The following PPOX variants were observed in gnomAD, a reference collection of about 807,000 sequenced individuals.
The protein encoded by PPOX is protoporphyrinogen oxidase, also known as variegate porphyria.
A neutral mutation model predicts 54.1 loss-of-function variants in PPOX; 23 were observed. That is an observed-to-expected ratio of 0.43 (90% confidence interval 0.31 to 0.60). PPOX has a LOEUF of 0.60. PPOX is among the 20% of genes least tolerant of loss of function. The pLI is 0.13. For synonymous variants in PPOX, 224 were observed against 236.1 expected, an observed-to-expected ratio of 0.95 and a Z score of 0.47; for missense variants, 512 against 601.1, an observed-to-expected ratio of 0.85 and a Z score of 1.55.
At chr1:161,171,574 C>T (rs1661442612), downstream of PPOX, 3 of 617,144 alleles carry the variant, frequency 4.9e-6, no homozygotes, top group East Asian at 2.8e-5. Context: ...GGAATCGTCA[C>T]ATAAAATCAT....
chr1:161,176,785 A>AC, intron 4 of PPOX: 1 of 1,412,380 alleles, frequency 7.1e-7, no homozygotes, highest in Non-Finnish European at 9.6e-7. Context: ...CCGTACCCCC[A>AC]CCCCAACAGG....
intron 11 of PPOX, 28 bp downstream of exon 11, chr1:161,170,797 C>A: frequency 6.2e-7 from 1 of 1,614,076 alleles, no homozygotes; most frequent in Non-Finnish European, 8.5e-7. Flanking sequence ...TCCCTCAGCT[C>A]TCCACTGAAG....
chr1:161,167,929 C>A, intron 4 of PPOX, 66 bp from the exon 5 acceptor site: 1 of 1,611,354 alleles, frequency 6.2e-7, no homozygotes, highest in Non-Finnish European at 8.5e-7. Flanking sequence ...GTGGAAATGA[C>A]CCCAGCGCCT....
At position 161,166,622 on chromosome 1, in the gene PPOX, A is replaced by G. The variant is rs1658998026; in HGVS notation, c.-59A>G. 6.9e-7 allele frequency: 1 copy of G among 1,459,396 alleles called. No homozygotes were observed. Among genetic ancestry groups the G allele is most frequent in the Non-Finnish European group, 9.0e-7 (1 of 1,107,620 alleles). 90.4% of individuals were successfully genotyped at this position (1,459,396 alleles called of 1,614,324 possible). ...CAGAGCGCCGGCGGGGTACGGTCTT[A>G]GGACCTCGATCTCCTTCTCCCTCAT... is the stretch of plus-strand genomic sequence containing the variant. On this transcript the variant is annotated 5_prime_UTR_variant, in exon 1 of 13. Coordinates refer to ENST00000367999, the MANE Select transcript of PPOX (RefSeq NM_001122764.3).
chr1:161,168,701 A>C, intron 6 of PPOX, 125 bp downstream of exon 6: 2 of 1,314,890 alleles, frequency 1.5e-6, no homozygotes, highest in Non-Finnish European at 2.1e-6. Context: ...TCTGCTGCCT[A>C]GGCTGGAGTG....
At chr1:161,173,754 C>G, downstream of PPOX, 1 of 1,613,808 alleles carries the variant, frequency 6.2e-7, no homozygotes, top group Non-Finnish European at 8.5e-7. Flanking sequence ...CCTTGCATAC[C>G]CCGAGTCTTC....
upstream of PPOX, chr1:161,166,238 G>T (rs1273054250): frequency 1.0e-6 from 1 of 962,288 alleles, no homozygotes; most frequent in Non-Finnish European, 1.2e-6. Context: ...CCTGAGGAGG[G>T]CAGTGACGGG....
intron 6 of PPOX, 143 bp downstream of exon 6, chr1:161,168,719 G>A (rs778635563): frequency 4.2e-6 from 5 of 1,188,688 alleles, no homozygotes; most frequent in East Asian, 5.1e-5. Flanking sequence ...GTGCAGTGGT[G>A]CAATCTCAGA....
At chr1:161,171,237 A>G (rs1483993302), downstream of PPOX, 7 of 1,611,080 alleles carry the variant, frequency 4.3e-6, no homozygotes, top group African/African-American at 5.3e-5. Context: ...TGGCTGTTCT[A>G]TCACCTATAG....
downstream of PPOX, chr1:161,173,708 AGTACTGGGG>A: frequency 6.2e-7 from 1 of 1,614,144 alleles, no homozygotes; most frequent in Non-Finnish European, 8.5e-7. Flanking sequence ...ACTCCTCCGA[AGTACTGGGG>A]GTACGGGAGG....
downstream of PPOX, chr1:161,176,029 G>A (rs371112903): frequency 2.9e-5 from 47 of 1,614,142 alleles, no homozygotes; most frequent in East Asian, 1.8e-4. Context: ...CAGGGCCAGC[G>A]TGCAAGGCCG....
At chr1:161,175,561 G>A (rs1403085258), downstream of PPOX, among the ~76,000 whole-genome samples, 1 of 152,056 alleles carries the variant, frequency 6.6e-6, no homozygotes, top group Non-Finnish European at 1.5e-5. Context: ...CCTAGCCTGG[G>A]GCAGGAAGAG....
chr1:161,173,816 T>C (rs1215108781), downstream of PPOX: 1 of 1,609,690 alleles, frequency 6.2e-7, no homozygotes, highest in African/African-American at 1.3e-5. Context: ...TTCCACAGGA[T>C]AGTAGGCTTC....
chr1:161,173,781 A>C, downstream of PPOX: 2 of 1,611,990 alleles, frequency 1.2e-6, no homozygotes, highest in South Asian at 2.2e-5. Context: ...CACATCCCCA[A>C]CCACAATCCG....
chr1:161,166,285 T>C (rs1658857115), upstream of PPOX: 2 of 1,014,110 alleles, frequency 2.0e-6, no homozygotes, highest in Non-Finnish European at 2.4e-6. Flanking sequence ...CTAACACGGT[T>C]AACCTCCAGC....
downstream of PPOX, chr1:161,175,670 ACCTCAGCCTACCTGCAG>A (rs915602998): frequency 1.9e-5 from 25 of 1,315,504 alleles, no homozygotes; most frequent in Non-Finnish European, 2.5e-5. Flanking sequence ...CTCTATCTCA[ACCTCAGCCTACCTGCAG>A]CCTCAGCCTA....
downstream of PPOX, chr1:161,171,877 G>A (rs775814722): frequency 1.2e-6 from 2 of 1,614,196 alleles, no homozygotes; most frequent in Non-Finnish European, 1.7e-6. Flanking sequence ...CCTGGCTGGG[G>A]GCCGGCGTTG....
rs185805318 is a variant in PPOX at position 161,170,983 on chromosome 1, C to T, written c.1291+34C>T. 4,319 of 1,614,110 alleles carry T rather than the reference C, an allele frequency of 2.7e-3. 16 individuals carry two copies. Among genetic ancestry groups the T allele is most frequent in the Non-Finnish European group, 2.4e-3 (2,813 of 1,179,996 alleles). On this transcript the variant is annotated intron_variant, in intron 12 of 12. Coordinates refer to ENST00000367999, the MANE Select transcript of PPOX (RefSeq NM_001122764.3). ...GGAAAACAGCTGGGCTGAGGAGGGCCAAGGACATCAGACCCCCAGCTAAAA... is the reference window on the plus strand; with the variant it reads ...GGAAAACAGCTGGGCTGAGGAGGGCTAAGGACATCAGACCCCCAGCTAAAA...
downstream of PPOX, chr1:161,171,293 C>T: frequency 6.5e-7 from 1 of 1,540,446 alleles, no homozygotes; most frequent in Non-Finnish European, 8.9e-7. Flanking sequence ...GCCTGGGATG[C>T]AGAAAGCAGG....
Sources: allele counts gnomAD v4.1 joint callset (sites outside exome capture counted in the v4.1 genomes callset), GRCh38; gene constraint gnomAD v4.1.1; transcripts MANE v1.5; gene names NCBI Gene and HGNC (gene_info 2026-07-23, HGNC 2026-07-21).